Variants in LIME1 observed in about 807,000 individuals in gnomAD.
LIME1 encodes the protein lck-interacting transmembrane adapter 1.
Under a neutral mutation model 18.8 loss-of-function variants are expected in LIME1, and 23 were observed. That is an observed-to-expected ratio of 1.22 (90% CI 0.88 to 1.73). The LOEUF is 1.73. Among genes scored for constraint, LIME1 ranks in the 40% most tolerant of loss-of-function variants. The pLI is 0.00. For missense variants in LIME1, 423 were observed against 396.8 expected, an observed-to-expected ratio of 1.07 and a Z score of -0.56; for synonymous variants, 177 against 182.3, an observed-to-expected ratio of 0.97 and a Z score of 0.23.
intron 5 of LIME1, 38 bp downstream of exon 5, chr20:63,738,537 G>C (rs760658107): frequency 6.6e-7 from 1 of 1,508,174 alleles, no homozygotes; most frequent in Non-Finnish European, 8.9e-7. Flanking sequence ...GGGTGGGGCC[G>C]GCAGATCCTC....
At chr20:63,736,849 C>T in intron 1 of LIME1, 137 bp downstream of exon 1, 3 of 986,796 alleles carry the variant, frequency 3.0e-6, no homozygotes, top group Non-Finnish European at 3.6e-6. Flanking sequence ...ACCCCTCACC[C>T]CCCAGCTTCT....
At chr20:63,737,787 A>ACGCCCC in intron 2 of LIME1, 34 bp from the exon 3 acceptor site, 3 of 1,322,764 alleles carry the variant, frequency 2.3e-6, no homozygotes, top group Non-Finnish European at 2.0e-6. Context: ...GAGGCTGACG[A>ACGCCCC]CCCCGCCCCC....
chr20:63,737,782 T>C (rs943210787), intron 2 of LIME1, 39 bp from the exon 3 acceptor site: 2 of 1,418,828 alleles, frequency 1.4e-6, no homozygotes, highest in African/African-American at 1.5e-5. Flanking sequence ...GACCCGAGGC[T>C]GACGACCCCG....
chr20:63,735,833 C>T (rs760128318), upstream of LIME1: 35 of 1,612,218 alleles, frequency 2.2e-5, no homozygotes, highest in Non-Finnish European at 2.6e-5. Flanking sequence ...AGCCCAGCGC[C>T]AGCTGGGGCA....
In LIME1 at chr20:63,737,806, A is replaced by G; in HGVS notation, c.99-15A>G. ...CTGACGACCCCGCCCCCCGCCCCCC[A>G]CCTCTACCCCCAAGGCCCGAGGACG... is the stretch of plus-strand genomic sequence containing the variant. On this transcript the variant is annotated splice_polypyrimidine_tract_variant and intron_variant, in intron 2 of 5. Transcript: ENST00000309546. 1 of 682,938 alleles carries G rather than the reference A, an allele frequency of 1.5e-6. No individual in the cohort carries two copies. The allele number at this position is 682,938 out of a possible 1,614,324, so 42.3% of individuals were successfully genotyped here. A position where few individuals can be genotyped will look rare whatever the true frequency, so the allele number is the denominator to read the frequency against.
chr20:63,738,128 C>T (rs991653266), intron 4 of LIME1, 55 bp from the exon 5 acceptor site: 1 of 1,526,470 alleles, frequency 6.6e-7, no homozygotes, highest in Non-Finnish European at 8.8e-7. Flanking sequence ...ACCCCTGGGC[C>T]AGACCCGCTC....
In LIME1 at chr20:63,737,909, G is replaced by T; in HGVS notation, c.180+7G>T. The stretch of plus-strand genomic sequence containing the variant: ...TGCGACGGCGGCGGAAGCGGTGAGT[G>T]CCAGGCTGTCCCGGGGACCAGGGTG... On this transcript the variant is annotated splice_region_variant and intron_variant, in intron 3 of 5. Transcript: ENST00000309546. 1 of 1,581,042 alleles carries T rather than the reference G, an allele frequency of 6.3e-7. No individual in the cohort carries two copies. The highest frequency in any genetic ancestry group is 1.7e-5 in the Admixed American group (1 of 57,914).
At chr20:63,735,815 C>T, upstream of LIME1, 1 of 1,611,236 alleles carries the variant, frequency 6.2e-7, no homozygotes, top group Non-Finnish European at 8.5e-7. Context: ...GCAGGAGAAG[C>T]TGGCAGGAGC....
At chr20:63,737,212 C>A (rs935828117) in intron 1 of LIME1, 4 of 1,086,704 alleles carry the variant, frequency 3.7e-6, no homozygotes, top group Admixed American at 5.2e-5. Context: ...GGGGCTCCCC[C>A]GATGCTGGTT....
chr20:63,736,246 T>C, upstream of LIME1: 1 of 310,330 alleles, frequency 3.2e-6, no homozygotes, highest in Non-Finnish European at 6.1e-6. Flanking sequence ...AGGCCGGCAT[T>C]CTCCCTTCTT....
At chr20:63,735,942 G>C, upstream of LIME1, 2 of 1,597,992 alleles carry the variant, frequency 1.3e-6, no homozygotes, top group East Asian at 4.5e-5. Context: ...CACTATGGAC[G>C]AAGCGTGGGA....
upstream of LIME1, chr20:63,735,848 C>T (rs750664509): frequency 2.5e-5 from 40 of 1,612,624 alleles, no homozygotes; most frequent in African/African-American, 5.3e-5. Flanking sequence ...GGGGCAGCTC[C>T]GGGCTCAGGA....
chr20:63,736,609 C>T (rs992041719), upstream of LIME1: 50 of 986,404 alleles, frequency 5.1e-5, no homozygotes, highest in African/African-American at 5.2e-5. Context: ...AGGCGCTTGG[C>T]GACAGGAGCA....
At position 63,737,810 on chromosome 20, in the gene LIME1, C is replaced by G; in HGVS notation, c.99-11C>G. The stretch of plus-strand genomic sequence containing the variant: ...CGACCCCGCCCCCCGCCCCCCACCT[C>G]TACCCCCAAGGCCCGAGGACGCTGT... On this transcript the variant is annotated splice_polypyrimidine_tract_variant and intron_variant, in intron 2 of 5. Transcript: ENST00000309546. 1 of 1,340,532 alleles carries G rather than the reference C, an allele frequency of 7.5e-7. No homozygotes were observed. Among genetic ancestry groups the G allele is most frequent in the South Asian group, 1.4e-5 (1 of 72,454 alleles). The allele number at this position is 1,340,532 out of a possible 1,614,324, so 83.0% of individuals were successfully genotyped here.
Position 63,736,725 on chromosome 20 carries a change from C to G in LIME1, c.-18+13C>G, listed in dbSNP as rs1443791486. ...GGCCGTGGGCTTGGTAAGTGCCCTC[C>G]TGGGGGGCAGCTGGGGTCTGGGAGG... On this transcript the variant is annotated intron_variant, in intron 1 of 5. Transcript: ENST00000309546. 1.0e-6 allele frequency: 1 copy of G among 985,624 alleles called. No individual in the cohort carries two copies. The highest frequency in any genetic ancestry group is 1.7e-5 in the African/African-American group (1 of 57,214). The allele number at this position is 985,624 out of a possible 1,614,324, so 61.1% of individuals were successfully genotyped here. A position where few individuals can be genotyped will look rare whatever the true frequency, so the allele number is the denominator to read the frequency against.
rs2145718895 is a variant in LIME1, at chr20:63,738,840, T to C, written c.828T>C (p.Pro276=). Residue 276 remains proline (P), a synonymous_variant, in exon 6 of 6, where the codon CCT becomes CCC. Coordinates refer to ENST00000309546, the MANE Select transcript of LIME1 (RefSeq NM_017806.4). The stretch of plus-strand genomic sequence containing the variant: ...GCACGTGCGGGGCTGGGACGCCCCC[T>C]GCTTCCAGCTGCCCCAGCCTAGGGA... ...RSSTCGAGTP[P]ASSCPSLGRG... 6.2e-7 allele frequency: 1 copy of C among 1,610,648 alleles called. No individual in the cohort carries two copies. The highest frequency in any genetic ancestry group is 8.5e-7 in the Non-Finnish European group (1 of 1,179,016).
chr20:63,737,089 T>G (rs1601358603), intron 1 of LIME1: 1 of 988,474 alleles, frequency 1.0e-6, no homozygotes, highest in Non-Finnish European at 1.2e-6. Flanking sequence ...CCTCCAGCTC[T>G]TCCCAGTTCT....
At chr20:63,735,741 T>C, upstream of LIME1, 2 of 1,562,310 alleles carry the variant, frequency 1.3e-6, no homozygotes, top group Admixed American at 1.9e-5. Flanking sequence ...GTTGGTGGCA[T>C]GGCCCAGGAC....
chr20:63,737,339 C>A, intron 1 of LIME1, 194 bp from the exon 2 acceptor site: 1 of 1,324,132 alleles, frequency 7.6e-7, no homozygotes, highest in Non-Finnish European at 9.6e-7. Context: ...TAGTTCACCT[C>A]ACCGGGAGCC....
Sources: allele counts gnomAD v4.1 joint callset, GRCh38; gene constraint gnomAD v4.1.1; transcripts MANE v1.5; gene names NCBI Gene and HGNC (gene_info 2026-07-23, HGNC 2026-07-21).